Variants in FAM153A observed in about 807,000 individuals in gnomAD.
FAM153A encodes family with sequence similarity 153 member A, also known as protein FAM153A.
Under a neutral mutation model 48.1 loss-of-function variants are expected in FAM153A, and 12 were observed. The ratio of observed to expected loss-of-function variants is 0.25; its 90% confidence interval spans 0.16 to 0.40. FAM153A has a LOEUF of 0.40. Among genes scored for constraint, FAM153A ranks in the 10% least tolerant of loss-of-function variants. FAM153A has a pLI of 1.00. For missense variants in FAM153A, 111 were observed against 345.8 expected (o/e 0.32, Z 5.38); for synonymous variants, 36 against 118.2 (o/e 0.30, Z 4.51).
chr5:177,708,891 G>A (rs529712800), downstream of FAM153A, among the ~76,000 whole-genome samples: 10 of 151,430 alleles, frequency 6.6e-5, no homozygotes, highest in South Asian at 1.9e-3. Context: ...TCAAGAGATC[G>A]AGACCATTCT....
chr5:177,745,782 A>G (rs62398546), intron 4 of FAM153A, among the ~76,000 whole-genome samples: 32,246 of 148,838 alleles, frequency 0.22, 2,146 homozygotes, highest in South Asian at 0.35. Flanking sequence ...TATGTCACTG[A>G]TTATTGTCTG....
the FAM153A span, among the ~76,000 whole-genome samples, chr5:177,695,330 G>T: frequency 6.7e-6 from 1 of 149,422 alleles, no homozygotes; most frequent in Admixed American, 6.6e-5. Flanking sequence ...AGGATCATAG[G>T]ATAATAGTGG....
At position 177,763,921 on chromosome 5, in the gene FAM153A, G is replaced by T. The variant is rs548863495; in HGVS notation, c.-56-15222C>A. The stretch of plus-strand genomic sequence containing the variant: ...TGGCTGGGCCCTCTAAGGATAGCTT[G>T]GAGTGTTTGGACTCGGCCCAGAGTA... On this transcript the variant is annotated intron_variant, in intron 1 of 8. Coordinates refer to the FAM153A transcript ENST00000393518. Among the ~76,000 whole-genome samples the T allele has an allele frequency of 3.1e-3, 465 of 151,666 alleles. 5 individuals carry two copies. The highest frequency in any genetic ancestry group is 0.011 in the African/African-American group (444 of 40,992).
At chr5:177,706,460 A>G (rs551900773), downstream of FAM153A, among the ~76,000 whole-genome samples, 2 of 152,014 alleles carry the variant, frequency 1.3e-5, no homozygotes, top group African/African-American at 4.8e-5. Flanking sequence ...CGGCCTCCCA[A>G]AGTGCTGGGA....
At chr5:177,757,738 C>T (rs1417984768), upstream of FAM153A, among the ~76,000 whole-genome samples, 2 of 151,288 alleles carry the variant, frequency 1.3e-5, no homozygotes, top group African/African-American at 4.9e-5. Context: ...ACATGATTAT[C>T]TCAATAGATG....
At chr5:177,739,804 C>G in intron 8 of FAM153A, 134 bp from the exon 11 acceptor site, 1 of 112,350 alleles carries the variant, frequency 8.9e-6, no homozygotes, top group Non-Finnish European at 1.5e-5. Context: ...CAGGCCCTTT[C>G]TCCTTGGTGG....
downstream of FAM153A, among the ~76,000 whole-genome samples, chr5:177,709,246 CA>C (rs1171189197): frequency 8.2e-6 from 1 of 122,562 alleles, no homozygotes; most frequent in African/African-American, 3.1e-5. Context: ...ACTTTGAAGA[CA>C]AAAAGGAATC....
chr5:177,702,952 C>T, the FAM153A span, among the ~76,000 whole-genome samples: 1 of 152,132 alleles, frequency 6.6e-6, no homozygotes, highest in South Asian at 2.1e-4. Context: ...CCCCATGCAG[C>T]AGCATGGAGA....
downstream of FAM153A, among the ~76,000 whole-genome samples, chr5:177,705,658 C>CTTTTTTTTTTTTTT (rs70994931): frequency 3.8e-5 from 3 of 79,820 alleles, no homozygotes; most frequent in African/African-American, 8.1e-5. Context: ...TTTTCTTTTT[C>CTTTTTTTTTTTTTT]TTTTTTTTTT....
chr5:177,699,151 A>G, the FAM153A span, among the ~76,000 whole-genome samples: 2 of 151,710 alleles, frequency 1.3e-5, no homozygotes, highest in African/African-American at 4.9e-5. Flanking sequence ...TACCATAGCA[A>G]TTTAAGTTCA....
chr5:177,697,532 G>A, the FAM153A span, among the ~76,000 whole-genome samples: 2 of 151,930 alleles, frequency 1.3e-5, no homozygotes, highest in East Asian at 3.9e-4. Context: ...TTTCAGCAGG[G>A]TTGGAAATGC....
chr5:177,746,698 A>G (rs1766070561), intron 4 of FAM153A, among the ~76,000 whole-genome samples: 1 of 150,678 alleles, frequency 6.6e-6, no homozygotes. Context: ...TCATACTCAC[A>G]CTGGCTCCAG....
At chr5:177,715,039 T>TA (rs894169520) in intron 25 of FAM153A, among the ~76,000 whole-genome samples, 4 of 138,450 alleles carry the variant, frequency 2.9e-5, no homozygotes, top group Non-Finnish European at 6.4e-5. Context: ...TTTGCCTGAG[T>TA]AAAAAACAAA....
the FAM153A span, among the ~76,000 whole-genome samples, chr5:177,700,239 C>T: frequency 6.6e-6 from 1 of 151,938 alleles, no homozygotes; most frequent in African/African-American, 2.4e-5. Context: ...TAATTTCATG[C>T]TTTAGGGTAA....
intron 1 of FAM153A, among the ~76,000 whole-genome samples, chr5:177,768,433 A>G (rs1327202906): frequency 1.3e-5 from 2 of 149,330 alleles, no homozygotes; most frequent in African/African-American, 2.5e-5. Context: ...GAAGATCTCA[A>G]CACTCTAATC....
At chr5:177,757,499 C>T (rs1767851394), upstream of FAM153A, among the ~76,000 whole-genome samples, 1 of 137,000 alleles carries the variant, frequency 7.3e-6, no homozygotes, top group Admixed American at 7.3e-5. Flanking sequence ...CATCCTGATA[C>T]CAAAGCCTGG....
Position 177,770,664 on chromosome 5 carries a change from T to C in FAM153A, c.-57+9785A>G, listed in dbSNP as rs1189014100. 2.1e-5 allele frequency among the ~76,000 whole-genome samples: 2 copies of C among 94,074 alleles called. 1 individual carries two copies. Among genetic ancestry groups the C allele is most frequent in the Non-Finnish European group, 4.4e-5 (2 of 45,900 alleles). The allele number at this position is 94,074 out of a possible 152,430, so 61.7% of individuals were successfully genotyped here. A position where few individuals can be genotyped will look rare whatever the true frequency, so the allele number is the denominator to read the frequency against. On this transcript the variant is annotated intron_variant, in intron 1 of 8. Coordinates refer to the FAM153A transcript ENST00000393518. ...GTGAAACTGTTCTATCTATAATAAATAGACACATGTCATTATACATTTGTC... is the reference window on the plus strand; with the variant it reads ...GTGAAACTGTTCTATCTATAATAAACAGACACATGTCATTATACATTTGTC...
intron 10 of FAM153A, among the ~76,000 whole-genome samples, chr5:177,737,739 C>T (rs1013223378): frequency 6.6e-6 from 1 of 151,602 alleles, no homozygotes. Context: ...AGCCTGGTTT[C>T]GAACGCCTGA....
At chr5:177,761,247 C>A (rs1161025025) in intron 1 of FAM153A, among the ~76,000 whole-genome samples, 2 of 151,712 alleles carry the variant, frequency 1.3e-5, no homozygotes, top group African/African-American at 2.4e-5. Context: ...GAGTTCATCA[C>A]CAGCCTCGCT....
Sources: allele counts gnomAD v4.1 joint callset (sites outside exome capture counted in the v4.1 genomes callset), GRCh38; gene constraint gnomAD v4.1.1; transcripts MANE v1.5; gene names NCBI Gene and HGNC (gene_info 2026-07-23, HGNC 2026-07-21).